MGAT5: variants seen among roughly 807,000 people sequenced by gnomAD.
MGAT5 encodes alpha-1,6-mannosylglycoprotein 6-beta-N-acetylglucosaminyltransferase, also known as alpha-1,6-mannosylglycoprotein 6-beta-N-acetylglucosaminyltransferase A.
Under a neutral mutation model 94.3 loss-of-function variants are expected in MGAT5, and 30 were observed. The ratio of observed to expected loss-of-function variants is 0.32; its 90% CI spans 0.24 to 0.43. The LOEUF (loss-of-function observed/expected upper bound fraction) is 0.43. MGAT5 is among the 20% of genes least tolerant of loss of function. The probability of loss-of-function intolerance (pLI) is 1.00; values close to 1 mark genes in which losing one functional copy is unlikely to be tolerated. For missense variants in MGAT5, 691 were observed against 905.5 expected (o/e 0.76, Z 3.04); for synonymous variants, 310 against 322.9 (o/e 0.96, Z 0.43).
rs906916746 is a variant in MGAT5 at position 134,126,024 on chromosome 2, G to C, written c.-143+5733G>C. ...ATCAGGACCATTCCTTAACATTTCT[G>C]ATAATCGGTGCCTGTGAAGACATTC... On this transcript the variant is annotated intron_variant, in intron 1 of 16. Transcript: ENST00000409645. Among the ~76,000 whole-genome samples, 3 of 152,330 alleles carry C rather than the reference G, an allele frequency of 2.0e-5. No individual in the cohort carries two copies. In the East Asian group the frequency reaches 5.8e-4, roughly 29 times the overall value.
chr2:134,135,464 C>T (rs995629255), intron 1 of MGAT5, among the ~76,000 whole-genome samples: 16 of 151,992 alleles, frequency 1.1e-4, no homozygotes, highest in Non-Finnish European at 2.2e-4. Context: ...GAGGCAGAGG[C>T]GGGCGGATCA....
chr2:134,130,110 G>T (rs1203499091), intron 1 of MGAT5, among the ~76,000 whole-genome samples: 1 of 151,520 alleles, frequency 6.6e-6, no homozygotes, highest in Non-Finnish European at 1.5e-5. Context: ...AGCACTGCCG[G>T]CCCGTCCGCA....
intron 1 of MGAT5, among the ~76,000 whole-genome samples, chr2:134,230,943 A>C (rs1681331553): frequency 6.6e-6 from 1 of 152,226 alleles, no homozygotes; most frequent in African/African-American, 2.4e-5. Flanking sequence ...ATTCAATGGA[A>C]TATTGTTTGG....
intron 1 of MGAT5, among the ~76,000 whole-genome samples, chr2:134,209,034 C>T (rs1346950482): frequency 6.6e-6 from 1 of 152,094 alleles, no homozygotes. Flanking sequence ...ACCCAGACCT[C>T]ACTTCCCCTG....
rs562474354 is a variant in MGAT5, at chr2:134,178,662, A to G, written c.-143+58371A>G. Reference sequence around the variant, plus strand: ...AGATGGCTGTGGCACAAGGATTATAACGTTGGTGCAAAGGAAGATAAGTCG... The same window carrying G: ...AGATGGCTGTGGCACAAGGATTATAGCGTTGGTGCAAAGGAAGATAAGTCG... On this transcript the variant is annotated intron_variant, in intron 1 of 16. Coordinates refer to the MGAT5 transcript ENST00000409645. 6.6e-5 allele frequency among the ~76,000 whole-genome samples: 10 copies of G among 152,200 alleles called. No individual in the cohort carries two copies. In the South Asian group the frequency reaches 8.3e-4, roughly 13 times the overall value.
chr2:134,280,687 C>T (rs1246898845), intron 2 of MGAT5, among the ~76,000 whole-genome samples: 1 of 152,202 alleles, frequency 6.6e-6, no homozygotes, highest in Non-Finnish European at 1.5e-5. Context: ...ACAGCAGCCA[C>T]ATGATTATGG....
chr2:134,317,402 T>TCAGA (rs1184623951), intron 2 of MGAT5, 127 bp from the exon 3 acceptor site: 2 of 544,356 alleles, frequency 3.7e-6, no homozygotes. Context: ...GCTCCATGTA[T>TCAGA]CAGAGCATGG....
At chr2:134,401,841 T>C (rs1377830741) in intron 10 of MGAT5, among the ~76,000 whole-genome samples, 2 of 152,208 alleles carry the variant, frequency 1.3e-5, no homozygotes, top group African/African-American at 4.8e-5. Context: ...ATGAAGACTT[T>C]TGATACATCA....
chr2:134,327,925 T>C (rs1176799263), intron 4 of MGAT5, among the ~76,000 whole-genome samples: 2 of 152,140 alleles, frequency 1.3e-5, no homozygotes, highest in Non-Finnish European at 2.9e-5. Flanking sequence ...TAAAATTGAG[T>C]GACTTTAGTT....
intron 2 of MGAT5, among the ~76,000 whole-genome samples, chr2:134,301,336 CAT>C (rs1328206822): frequency 2.0e-5 from 3 of 152,140 alleles, no homozygotes; most frequent in Admixed American, 6.5e-5. Flanking sequence ...GCTAGAGACA[CAT>C]GAGCCTGTCT....
intron 1 of MGAT5, among the ~76,000 whole-genome samples, chr2:134,149,263 T>C (rs1470355547): frequency 6.6e-6 from 1 of 152,182 alleles, no homozygotes; most frequent in Non-Finnish European, 1.5e-5. Flanking sequence ...TAAAGAAAGC[T>C]TCCTTACAGG....
chr2:134,287,611 C>T lies in MGAT5; in HGVS notation c.406+17061C>T, dbSNP rs540780158. 3.3e-5 allele frequency among the ~76,000 whole-genome samples: 5 copies of T among 152,292 alleles called. No homozygotes were observed. In the East Asian group the frequency reaches 9.7e-4, roughly 29 times the overall value. The stretch of plus-strand genomic sequence containing the variant: ...CAGTCTTTTCTCTTCTGCTTAGTTT[C>T]CTCATAGATGGATCCTTCAGCCTTC... On this transcript the variant is annotated intron_variant, in intron 2 of 15. Transcript: ENST00000281923.
At chr2:134,282,823 A>G (rs1042187950) in intron 2 of MGAT5, among the ~76,000 whole-genome samples, 3 of 152,288 alleles carry the variant, frequency 2.0e-5, no homozygotes, top group Non-Finnish European at 4.4e-5. Flanking sequence ...AGAGAGATTG[A>G]GCAGAGACCC....
chr2:134,185,311 T>C (rs1033645030), intron 1 of MGAT5, among the ~76,000 whole-genome samples: 53 of 152,218 alleles, frequency 3.5e-4, no homozygotes, highest in African/African-American at 1.2e-3. Flanking sequence ...CAATCCCCTA[T>C]CTTTACCCCT....
intron 2 of MGAT5, among the ~76,000 whole-genome samples, chr2:134,273,138 G>T (rs1037449593): frequency 6.6e-6 from 1 of 152,290 alleles, no homozygotes; most frequent in African/African-American, 2.4e-5. Flanking sequence ...AGGTGGGGGG[G>T]GGTCCTTTAT....
chr2:134,137,787 T>A (rs566900851), intron 1 of MGAT5, among the ~76,000 whole-genome samples: 1 of 152,302 alleles, frequency 6.6e-6, no homozygotes, highest in African/African-American at 2.4e-5. Context: ...TCAGTTTTAT[T>A]ATTGAGGCAG....
chr2:134,209,278 C>T (rs1445630256), intron 1 of MGAT5, among the ~76,000 whole-genome samples: 2 of 46,580 alleles, frequency 4.3e-5, no homozygotes, highest in Non-Finnish European at 6.4e-5. Flanking sequence ...CATGCTGGTG[C>T]GCTGCACCCA....
At chr2:134,361,330 T>C (rs1405279346) in intron 9 of MGAT5, among the ~76,000 whole-genome samples, 1 of 152,200 alleles carries the variant, frequency 6.6e-6, no homozygotes, top group African/African-American at 2.4e-5. Context: ...AGCAGAGCAG[T>C]TGCTTCATTT....
chr2:134,271,805 T>C (rs1684045042), intron 2 of MGAT5, among the ~76,000 whole-genome samples: 1 of 152,214 alleles, frequency 6.6e-6, no homozygotes, highest in African/African-American at 2.4e-5. Flanking sequence ...TTCCAACAGC[T>C]TCTGTAATTA....
Sources: gnomAD v4.1 joint callset for allele counts (sites outside exome capture counted in the v4.1 genomes callset) on GRCh38, gnomAD v4.1.1 for gene constraint, MANE v1.5 for transcripts, NCBI Gene and HGNC (gene_info 2026-07-23, HGNC 2026-07-21) for gene names.